Variants in TIAM2 observed in about 807,000 individuals in gnomAD.
TIAM2 encodes TIAM Rac1 associated GEF 2, also known as rho guanine nucleotide exchange factor TIAM2.
TIAM2 carries 80 observed loss-of-function variants against 152.9 expected under a neutral mutation model. That is an observed-to-expected ratio of 0.52 (90% CI 0.44 to 0.63). The LOEUF (loss-of-function observed/expected upper bound fraction) is 0.63, where lower values mean the gene tolerates loss of function less well. TIAM2 is among the 30% of genes least tolerant of loss of function. TIAM2 has a pLI of 0.00. For synonymous variants in TIAM2, 804 were observed against 838.0 expected (o/e 0.96, Z 0.70); for missense variants, 1,965 against 2,120.1 (o/e 0.93, Z 1.44).
intron 14 of TIAM2, among the ~76,000 whole-genome samples, chr6:155,201,605 C>G (rs1781472645): frequency 6.6e-6 from 1 of 152,198 alleles, no homozygotes; most frequent in Non-Finnish European, 1.5e-5. Context: ...ACTGCCATAG[C>G]CTGCCTGGCG....
At chr6:155,200,625 C>T (rs1160726472) in intron 14 of TIAM2, among the ~76,000 whole-genome samples, 1 of 152,192 alleles carries the variant, frequency 6.6e-6, no homozygotes, top group South Asian at 2.1e-4. Flanking sequence ...CTCTTCAAGG[C>T]CAGGGTCAGT....
chr6:155,044,522 A>C (rs1293748624), intron 1 of TIAM2, among the ~76,000 whole-genome samples: 1 of 152,108 alleles, frequency 6.6e-6, no homozygotes, highest in Non-Finnish European at 1.5e-5. Flanking sequence ...GCTGCTTTTG[A>C]AACTCATCTT....
At chr6:155,172,307 AAGGATGATTCTC>A (rs1396721930) in intron 9 of TIAM2, among the ~76,000 whole-genome samples, 5 of 152,054 alleles carry the variant, frequency 3.3e-5, no homozygotes, top group Non-Finnish European at 4.4e-5. Flanking sequence ...CTTTGGAACA[AAGGATGATTCTC>A]AGGAAGTTCT....
intron 7 of TIAM2, among the ~76,000 whole-genome samples, chr6:155,151,838 T>TTC (rs3028777): frequency 4.0e-4 from 42 of 103,760 alleles, no homozygotes; most frequent in Non-Finnish European, 6.5e-4. Context: ...CTTTTTTTTT[T>TTC]CTTTTTTTTT....
intron 7 of TIAM2, among the ~76,000 whole-genome samples, chr6:155,159,503 T>A (rs1780209289): frequency 6.6e-6 from 1 of 152,158 alleles, no homozygotes; most frequent in African/African-American, 2.4e-5. Flanking sequence ...ACATGACTGG[T>A]CAAATTGCTT....
At chr6:155,225,732 G>T in intron 15 of TIAM2, among the ~76,000 whole-genome samples, 1 of 152,216 alleles carries the variant, frequency 6.6e-6, no homozygotes, top group South Asian at 2.1e-4. Flanking sequence ...TCTGTTAGAA[G>T]TCAGTGTAGA....
intron 23 of TIAM2, 78 bp downstream of exon 23, chr6:155,252,081 A>G: frequency 8.5e-7 from 1 of 1,174,634 alleles, no homozygotes; most frequent in Non-Finnish European, 1.2e-6. Flanking sequence ...TGAAAAGCCC[A>G]CTGAGCACCA....
Position 155,129,934 on chromosome 6 carries a change from C to T in TIAM2, c.711C>T (p.Ser237=). The change falls in exon 4 of 27, where the codon TCC becomes TCT. Residue 237 remains serine (S), a synonymous_variant. Transcript: ENST00000682666. This position sits in a 1 kb window ranked among gnomAD's most constrained non-coding sequence, Gnocchi z 4.8. ...RPSPTDSRLR[S]SKGSSLSSES... is the part of the protein sequence containing the mutation. The stretch of plus-strand genomic sequence containing the variant: ...CTCCCACGGACTCTCGCCTGCGGTC[C>T]AGCAAAGGCAGCTCCCTGAGTTCTG... 1 of 1,614,000 alleles carries T rather than the reference C, an allele frequency of 6.2e-7. No individual in the cohort carries two copies. The highest frequency in any genetic ancestry group is 8.5e-7 in the Non-Finnish European group (1 of 1,180,026).
intron 15 of TIAM2, among the ~76,000 whole-genome samples, chr6:155,220,597 T>G (rs907406312): frequency 3.9e-5 from 6 of 152,012 alleles, no homozygotes; most frequent in African/African-American, 1.4e-4. Flanking sequence ...CTTTCTGTCT[T>G]TGGATCACTG....
intron 5 of TIAM2, among the ~76,000 whole-genome samples, chr6:155,142,947 G>T (rs1779743737): frequency 6.6e-6 from 1 of 152,166 alleles, no homozygotes. Context: ...TATTTTTAAA[G>T]GAAGTAATGA....
chr6:155,057,577 C>T (rs532860026), intron 1 of TIAM2, among the ~76,000 whole-genome samples: 2 of 129,412 alleles, frequency 1.5e-5, no homozygotes, highest in Non-Finnish European at 3.1e-5. Context: ...GACAGAGGCT[C>T]GCGCTGTTGC....
At chr6:155,109,135 C>G (rs890257283) in intron 2 of TIAM2, among the ~76,000 whole-genome samples, 4 of 152,098 alleles carry the variant, frequency 2.6e-5, no homozygotes, top group African/African-American at 9.7e-5. Context: ...AGGCGCCCAC[C>G]ACCACACCCG....
chr6:155,107,298 A>G (rs1778718544), intron 2 of TIAM2, among the ~76,000 whole-genome samples: 1 of 152,194 alleles, frequency 6.6e-6, no homozygotes, highest in Admixed American at 6.5e-5. Context: ...ATTATTTTGT[A>G]CTTAGGCAGC....
At chr6:155,236,065 C>G (rs543694784) in intron 15 of TIAM2, among the ~76,000 whole-genome samples, 1 of 152,156 alleles carries the variant, frequency 6.6e-6, no homozygotes, top group African/African-American at 2.4e-5. Flanking sequence ...GCTTGTGGTG[C>G]AAATCCCAGT....
At chr6:155,202,822 G>A (rs1781503944) in intron 14 of TIAM2, among the ~76,000 whole-genome samples, 1 of 149,088 alleles carries the variant, frequency 6.7e-6, no homozygotes, top group Admixed American at 6.7e-5. Context: ...TGGATCACTC[G>A]AGGTTAGGAG....
intron 1 of TIAM2, among the ~76,000 whole-genome samples, chr6:155,046,882 G>C (rs1209727820): frequency 6.6e-6 from 1 of 152,162 alleles, no homozygotes; most frequent in Non-Finnish European, 1.5e-5. Context: ...GTTTATTCTT[G>C]TTGGAAGCTC....
At chr6:155,222,504 G>A (rs955306651) in intron 15 of TIAM2, among the ~76,000 whole-genome samples, 21 of 151,856 alleles carry the variant, frequency 1.4e-4, no homozygotes, top group African/African-American at 4.8e-4. Flanking sequence ...GGGAGGCTGA[G>A]GCATGAGAAC....
At chr6:155,201,837 C>T (rs1001632297) in intron 14 of TIAM2, among the ~76,000 whole-genome samples, 98 of 152,348 alleles carry the variant, frequency 6.4e-4, no homozygotes, top group African/African-American at 2.4e-3. Flanking sequence ...TACTTTACTG[C>T]TCTCTGTTTA....
chr6:155,240,065 G>A (rs1782956382), intron 15 of TIAM2, among the ~76,000 whole-genome samples: 1 of 152,208 alleles, frequency 6.6e-6, no homozygotes, highest in African/African-American at 2.4e-5. Context: ...ATTGCTCTTG[G>A]GCTGTGCCTC....
Sources: allele counts gnomAD v4.1 joint callset (sites outside exome capture counted in the v4.1 genomes callset), GRCh38; gene constraint gnomAD v4.1.1; non-coding constraint Gnocchi (gnomAD v3.1); transcripts MANE v1.5; gene names NCBI Gene and HGNC (gene_info 2026-07-23, HGNC 2026-07-21).